SDK1: variants seen among roughly 807,000 people sequenced by gnomAD.
SDK1 encodes sidekick cell adhesion molecule 1, also known as protein sidekick-1.
SDK1 carries 157 observed loss-of-function variants against 245.5 expected under a neutral mutation model. The ratio of observed to expected loss-of-function variants is 0.64; its 90% CI spans 0.56 to 0.73. The LOEUF (loss-of-function observed/expected upper bound fraction) is 0.73. SDK1 is among the 30% of genes least tolerant of loss of function. SDK1 has a pLI of 0.00. For missense variants in SDK1, 3,583 were observed against 3,002.3 expected (o/e 1.19, Z -4.52); for synonymous variants, 1,647 against 1,278.5 (o/e 1.29, Z -6.15).
At chr7:3,703,940 A>G (rs142291843) in intron 4 of SDK1, among the ~76,000 whole-genome samples, 1 of 152,200 alleles carries the variant, frequency 6.6e-6, no homozygotes, top group African/African-American at 2.4e-5. Flanking sequence ...TTGGAGTACA[A>G]ATGGCTTTTG....
At chr7:4,070,985 T>C (rs113046506) in intron 20 of SDK1, among the ~76,000 whole-genome samples, 8,461 of 151,566 alleles carry the variant, frequency 0.056, 771 homozygotes, top group African/African-American at 0.19. Flanking sequence ...GTGCTGTGCC[T>C]CTTATAAGCA....
intron 31 of SDK1, among the ~76,000 whole-genome samples, chr7:4,161,559 G>A (rs2128212483): frequency 1.3e-5 from 2 of 152,344 alleles, no homozygotes; most frequent in Admixed American, 1.3e-4. Flanking sequence ...CCCAGTCTGG[G>A]TCTGTTTCTC....
intron 4 of SDK1, among the ~76,000 whole-genome samples, chr7:3,733,779 C>T (rs964857024): frequency 8.5e-5 from 13 of 152,162 alleles, no homozygotes; most frequent in African/African-American, 1.7e-4. Flanking sequence ...TGTTGCTTCA[C>T]GGCCCTTCCC....
At chr7:3,474,122 TGAGACCGTG>T (rs1781272646) in intron 1 of SDK1, among the ~76,000 whole-genome samples, 1 of 116,648 alleles carries the variant, frequency 8.6e-6, no homozygotes. Context: ...TTTTTTTTTT[TGAGACCGTG>T]TCTCTCTGTT....
rs548537943 is a variant in SDK1 at position 4,174,711 on chromosome 7, T to C, written c.4936+354T>C. Among the ~76,000 whole-genome samples the C allele has an allele frequency of 2.0e-5, 3 of 152,034 alleles. No homozygotes were observed. In the East Asian group the frequency reaches 5.8e-4, roughly 30 times the overall value. Reference sequence around the variant, plus strand: ...GTAGGAACCTGTTGCAAAACCCAAGTCCAGGGACAGGCCCCGCCTGTCTGT... The same window carrying C: ...GTAGGAACCTGTTGCAAAACCCAAGCCCAGGGACAGGCCCCGCCTGTCTGT... On this transcript the variant is annotated intron_variant, in intron 33 of 44. Transcript: ENST00000404826.
chr7:3,403,919 G>T (rs982813281), intron 1 of SDK1, among the ~76,000 whole-genome samples: 2 of 134,522 alleles, frequency 1.5e-5, no homozygotes, highest in Non-Finnish European at 1.6e-5. Flanking sequence ...TCCATATACA[G>T]GCATACCTTG....
chr7:3,669,979 C>G (rs1393294803), intron 4 of SDK1, among the ~76,000 whole-genome samples: 2 of 152,210 alleles, frequency 1.3e-5, no homozygotes, highest in South Asian at 4.1e-4. Flanking sequence ...CTTGATACTT[C>G]TTTTTCTCTT....
intron 4 of SDK1, among the ~76,000 whole-genome samples, chr7:3,674,528 T>G (rs1204319388): frequency 6.6e-6 from 1 of 152,058 alleles, no homozygotes; most frequent in Non-Finnish European, 1.5e-5. Flanking sequence ...TTAAGGAGTT[T>G]TGGTTTGGTG....
At chr7:4,108,642 A>G (rs904433327) in intron 22 of SDK1, among the ~76,000 whole-genome samples, 3 of 152,212 alleles carry the variant, frequency 2.0e-5, no homozygotes, top group African/African-American at 7.2e-5. Context: ...CGGTCATTCT[A>G]CATTTCATTT....
chr7:4,131,731 G>A (rs1784833431), intron 27 of SDK1, among the ~76,000 whole-genome samples: 1 of 151,756 alleles, frequency 6.6e-6, no homozygotes. Flanking sequence ...AGTTATTGGT[G>A]CCCCGAACCA....
rs1276191397 is a variant in SDK1 at position 3,880,271 on chromosome 7, C to G, written c.847+58688C>G. ...AGCTCTATTAGAAATAAATCCCGAA[C>G]AGCTGGTTGAGGTTGCAGACCAGCC... is the stretch of plus-strand genomic sequence containing the variant. On this transcript the variant is annotated intron_variant, in intron 5 of 44. Coordinates refer to ENST00000404826, the MANE Select transcript of SDK1 (RefSeq NM_152744.4). 2.6e-5 allele frequency among the ~76,000 whole-genome samples: 4 copies of G among 152,224 alleles called. No homozygotes were observed. The East Asian group carries it at 5.8e-4, about 22-fold the overall frequency.
chr7:4,035,232 A>G (rs1414473441), intron 17 of SDK1, among the ~76,000 whole-genome samples: 2 of 151,746 alleles, frequency 1.3e-5, no homozygotes, highest in African/African-American at 4.8e-5. Context: ...CAATCCATCC[A>G]CCTTGGCCTC....
At chr7:4,135,069 C>T (rs4723418) in intron 28 of SDK1, among the ~76,000 whole-genome samples, 96,175 of 152,160 alleles carry the variant, frequency 0.63, 30,874 homozygotes, top group East Asian at 0.89. Context: ...TCAGCACGCC[C>T]GCCGGAGTGA....
intron 1 of SDK1, among the ~76,000 whole-genome samples, chr7:3,381,582 A>G (rs1384535903): frequency 6.6e-6 from 1 of 152,174 alleles, no homozygotes; most frequent in African/African-American, 2.4e-5. Flanking sequence ...ATACTGTAGC[A>G]TGCTTAGTTC....
chr7:4,088,863 T>A (rs1441452440), intron 22 of SDK1, among the ~76,000 whole-genome samples: 1 of 152,236 alleles, frequency 6.6e-6, no homozygotes, highest in Non-Finnish European at 1.5e-5. Flanking sequence ...GGATTGAGCT[T>A]GTGTTCCTTA....
intron 1 of SDK1, among the ~76,000 whole-genome samples, chr7:3,425,874 A>G (rs1336226741): frequency 6.6e-6 from 1 of 152,190 alleles, no homozygotes; most frequent in Non-Finnish European, 1.5e-5. Context: ...CTTTCTAAAA[A>G]CAAAAGATAA....
At chr7:3,878,841 C>A (rs1242941999) in intron 5 of SDK1, among the ~76,000 whole-genome samples, 3 of 151,976 alleles carry the variant, frequency 2.0e-5, no homozygotes, top group Non-Finnish European at 1.5e-5. Flanking sequence ...ATTTAAAATT[C>A]TTTTATTGGA....
intron 22 of SDK1, among the ~76,000 whole-genome samples, chr7:4,096,459 G>A (rs1782156317): frequency 6.6e-6 from 1 of 152,188 alleles, no homozygotes; most frequent in Non-Finnish European, 1.5e-5. Context: ...AGAGGATGGA[G>A]AACAGAGGCT....
chr7:3,731,368 G>A (rs533386022), intron 4 of SDK1, among the ~76,000 whole-genome samples: 68 of 152,280 alleles, frequency 4.5e-4, no homozygotes, highest in African/African-American at 1.3e-3. Context: ...CCCCGGGACC[G>A]TGCCCCGAGT....
Sources: gnomAD v4.1 joint callset for allele counts (sites outside exome capture counted in the v4.1 genomes callset) on GRCh38, gnomAD v4.1.1 for gene constraint, MANE v1.5 for transcripts, NCBI Gene and HGNC (gene_info 2026-07-23, HGNC 2026-07-21) for gene names.